MAMSTR: variants seen among roughly 807,000 people sequenced by gnomAD.
MAMSTR encodes MEF2-activating motif and SAP domain-containing transcriptional regulator.
A neutral mutation model predicts 42.7 loss-of-function variants in MAMSTR; 41 were observed. The ratio of observed to expected loss-of-function variants is 0.96; its 90% CI spans 0.75 to 1.25. The LOEUF (loss-of-function observed/expected upper bound fraction) is 1.25. Among genes scored for constraint, MAMSTR ranks in the 50% most tolerant of loss-of-function variants. The pLI is 0.00. For synonymous variants in MAMSTR, 265 were observed against 244.1 expected, an observed-to-expected ratio of 1.09 and a Z score of -0.80; for missense variants, 567 against 557.6, an observed-to-expected ratio of 1.02 and a Z score of -0.17.
rs1179753948 is a variant in MAMSTR, at chr19:48,719,477, G to A, written c.-22+202C>T. On this transcript the variant is annotated intron_variant, in intron 1 of 9. Transcript: ENST00000318083. This position sits in a 1 kb window ranked among gnomAD's most constrained non-coding sequence, Gnocchi z 4.4. ...GGGCTGGAACTCAATACTCTTAGGA[G>A]ATGAGAATCCAAGATCCTGGGTGGA... Among the ~76,000 whole-genome samples the A allele has an allele frequency of 6.6e-6, 1 of 152,188 alleles. No homozygotes were observed. Among genetic ancestry groups the A allele is most frequent in the African/African-American group, 2.4e-5 (1 of 41,442 alleles).
Position 48,714,817 on chromosome 19 carries a change from C to T in MAMSTR, c.517G>A (p.Glu173Lys), listed in dbSNP as rs138036603. ...HKLELQTLKLEELTVSELRQQ... is the reference protein window; with the variant it reads ...HKLELQTLKLKELTVSELRQQ... ...CACCCCAAACTCACCGTCAGCTCCT[C>T]CAGTTTAAGGGTCTGAAGTTCCAAC... The change falls in exon 6 of 10, where the codon GAG becomes AAG. Residue 173 changes from glutamate to lysine, a missense_variant. Coordinates refer to ENST00000318083, the MANE Select transcript of MAMSTR (RefSeq NM_001130915.2). 1 of 1,609,228 alleles carries T rather than the reference C, an allele frequency of 6.2e-7. No individual in the cohort carries two copies. The highest frequency in any genetic ancestry group is 8.5e-7 in the Non-Finnish European group (1 of 1,175,624).
At chr19:48,714,706 C>A (rs994251550) in intron 6 of MAMSTR, 100 bp downstream of exon 6, 3 of 1,274,752 alleles carry the variant, frequency 2.4e-6, no homozygotes, top group Non-Finnish European at 3.4e-6. Context: ...GACTGGGTAC[C>A]CGATCTCCTG....
downstream of MAMSTR, among the ~76,000 whole-genome samples, chr19:48,712,295 C>T (rs941428294): frequency 7.9e-5 from 12 of 152,142 alleles, no homozygotes; most frequent in African/African-American, 2.9e-4. Context: ...CTCTGGAGCT[C>T]CCTGCAGGAT....
chr19:48,709,727 C>G (rs140432478), downstream of MAMSTR, among the ~76,000 whole-genome samples: 276 of 152,326 alleles, frequency 1.8e-3, 2 homozygotes, highest in African/African-American at 6.5e-3. Context: ...CCCATCCACA[C>G]CTTTATGAGC....
rs948911865 is a variant in MAMSTR at position 48,719,374 on chromosome 19, G to A, written c.-22+305C>T. On this transcript the variant is annotated intron_variant, in intron 1 of 9. Coordinates refer to ENST00000318083, the MANE Select transcript of MAMSTR (RefSeq NM_001130915.2). The surrounding 1 kb of genome is among the most constrained non-coding windows in gnomAD (Gnocchi z 4.4). ...TGGGTCCTGAGGAGGAAGGGTTGCG[G>A]GTTGGGACCCCTGTGTCTAGGAAAG... Among the ~76,000 whole-genome samples the A allele has an allele frequency of 3.9e-5, 6 of 152,082 alleles. No homozygotes were observed. Among genetic ancestry groups the A allele is most frequent in the African/African-American group, 7.2e-5 (3 of 41,408 alleles).
rs968179769 is a variant in MAMSTR at position 48,716,923 on chromosome 19, C to G, written c.59-180G>C. Reference sequence around the variant, plus strand: ...CCCTTCCTCGGGCCTCCCGCCTGCTCCCTGCCAGCGCAGCGCCGCGGGCCA... The same window carrying G: ...CCCTTCCTCGGGCCTCCCGCCTGCTGCCTGCCAGCGCAGCGCCGCGGGCCA... On this transcript the variant is annotated intron_variant, in intron 2 of 9. Transcript: ENST00000318083. 4 of 1,205,262 alleles carry G rather than the reference C, an allele frequency of 3.3e-6. No homozygotes were observed. The African/African-American group carries it at 6.3e-5, about 19-fold the overall frequency. 74.7% of individuals were successfully genotyped at this position (1,205,262 alleles called of 1,614,324 possible).
downstream of MAMSTR, among the ~76,000 whole-genome samples, chr19:48,708,879 A>G (rs901094187): frequency 6.6e-6 from 1 of 152,116 alleles, no homozygotes; most frequent in Non-Finnish European, 1.5e-5. Flanking sequence ...GGAGGAGAGA[A>G]CAGCCAGAGG....
chr19:48,713,960 G>A lies in MAMSTR; in HGVS notation c.809C>T (p.Pro270Leu), dbSNP rs779566328. Reference sequence around the variant, plus strand: ...CAGGGCTGGAGCTGCAGCAGGAGCCGGAGTGGGAGTTGGAGCCGGAGCCGT... The same window carrying A: ...CAGGGCTGGAGCTGCAGCAGGAGCCAGAGTGGGAGTTGGAGCCGGAGCCGT... ...PGTAPAPTPT[P>L]APAAAPALTP... is the part of the protein sequence containing the mutation. Residue 270 changes from proline to leucine, a missense_variant, in exon 8 of 10, where the codon CCG becomes CTG. By Grantham distance (98) the Pro-to-Leu change is moderately conservative. Coordinates refer to ENST00000318083, the MANE Select transcript of MAMSTR (RefSeq NM_001130915.2). 8 of 1,613,350 alleles carry A rather than the reference G, an allele frequency of 5.0e-6. No individual in the cohort carries two copies. The highest frequency in any genetic ancestry group is 2.7e-5 in the African/African-American group (2 of 74,924).
At chr19:48,711,017 G>A (rs281379), downstream of MAMSTR, among the ~76,000 whole-genome samples, 57,356 of 152,018 alleles carry the variant, frequency 0.38, 12,250 homozygotes, top group Middle Eastern at 0.56. Flanking sequence ...ATGGCTCATG[G>A]CTGACTAGGG....
In MAMSTR at chr19:48,715,765, A is replaced by G. The variant is rs1243204971; in HGVS notation, c.100T>C (p.Ser34Pro). ...RIHRRNQEQISDPDPWISASD... is the reference protein window; with the variant it reads ...RIHRRNQEQIPDPDPWISASD... ...GCTGAGATCCACGGGTCCGGATCCG[A>G]GACTGGAGAGACGGTGAAGGACCCT... The change falls in exon 4 of 10, where the codon TCG (serine) becomes CCG (proline). Residue 34 changes from serine to proline, a missense_variant and splice_region_variant. Ser to Pro is a moderately conservative substitution (Grantham distance 74). Transcript: ENST00000318083. 6.5e-7 allele frequency: 1 copy of G among 1,539,684 alleles called. No homozygotes were observed.
At chr19:48,716,546 CTGGATCCT>C (rs2033043715) in intron 3 of MAMSTR, among the ~76,000 whole-genome samples, 151 bp downstream of exon 3, 2 of 152,100 alleles carry the variant, frequency 1.3e-5, no homozygotes, top group African/African-American at 4.8e-5. Context: ...GACCTGGACC[CTGGATCCT>C]TGGGAAAGGA....
chr19:48,707,148 G>A, the MAMSTR span, among the ~76,000 whole-genome samples: 20 of 152,048 alleles, frequency 1.3e-4, no homozygotes, highest in African/African-American at 4.6e-4. Context: ...GCCAGGCGTG[G>A]TGGCTCACGC....
chr19:48,709,126 T>TA (rs985307606), downstream of MAMSTR, among the ~76,000 whole-genome samples: 1 of 151,992 alleles, frequency 6.6e-6, no homozygotes, highest in Non-Finnish European at 1.5e-5. Flanking sequence ...CCTGTCTCTA[T>TA]AAAAAAATGC....
chr19:48,715,967 G>A, intron 3 of MAMSTR, 200 bp from the exon 4 acceptor site: 1 of 1,382,916 alleles, frequency 7.2e-7, no homozygotes, highest in Non-Finnish European at 9.3e-7. Context: ...CTCAAGTAAA[G>A]CAGGAATTTT....
chr19:48,706,954 G>A, the MAMSTR span, among the ~76,000 whole-genome samples: 2 of 151,846 alleles, frequency 1.3e-5, no homozygotes, highest in African/African-American at 2.4e-5. Flanking sequence ...AAACTAACTG[G>A]GTATAGTGGA....
intron 9 of MAMSTR, 37 bp from the exon 10 acceptor site, chr19:48,713,587 C>T (rs2032822037): frequency 6.2e-7 from 1 of 1,600,982 alleles, no homozygotes; most frequent in African/African-American, 1.3e-5. Context: ...CTTGGAAAGT[C>T]AGGGGTCCGG....
At chr19:48,705,743 C>T in the MAMSTR span, 1 of 166,810 alleles carries the variant, frequency 6.0e-6, no homozygotes, top group Non-Finnish European at 1.5e-5. Flanking sequence ...TTTTTAATCA[C>T]CAGTGTGCAT....
At chr19:48,709,023 C>T (rs566167630), downstream of MAMSTR, among the ~76,000 whole-genome samples, 1 of 152,186 alleles carries the variant, frequency 6.6e-6, no homozygotes, top group East Asian at 2.0e-4. Flanking sequence ...GGTGTGGTGG[C>T]TCACGCCTGT....
intron 7 of MAMSTR, 34 bp from the exon 8 acceptor site, chr19:48,714,079 C>T (rs749004868): frequency 2.2e-5 from 34 of 1,531,356 alleles, no homozygotes; most frequent in Non-Finnish European, 3.0e-5. Flanking sequence ...GCCCATAAGC[C>T]ATGCCCACAG....
Sources: gnomAD v4.1 joint callset for allele counts (sites outside exome capture counted in the v4.1 genomes callset) on GRCh38, gnomAD v4.1.1 for gene constraint, Gnocchi (gnomAD v3.1) non-coding constraint, MANE v1.5 for transcripts, NCBI Gene and HGNC (gene_info 2026-07-23, HGNC 2026-07-21) for gene names.